MED13: variants seen among roughly 807,000 people sequenced by gnomAD.
MED13 encodes mediator of RNA polymerase II transcription subunit 13.
Under a neutral mutation model 225.2 loss-of-function variants are expected in MED13, and 23 were observed. The observed-to-expected ratio is 0.10, with a 90% CI of 0.07 to 0.14. The LOEUF is 0.14. Ranked by LOEUF, MED13 falls within the 10% of genes least tolerant of loss-of-function variation. The pLI, the probability that MED13 is intolerant of heterozygous loss-of-function variation, is 1.00. For missense variants in MED13, 2,197 were observed against 2,594.5 expected (o/e 0.85, Z 3.33); for synonymous variants, 942 against 889.2 (o/e 1.06, Z -1.06).
intron 5 of MED13, among the ~76,000 whole-genome samples, chr17:62,032,103 A>G (rs1160604300): frequency 6.6e-6 from 1 of 151,888 alleles, no homozygotes; most frequent in Non-Finnish European, 1.5e-5. Context: ...TTCTGTCACA[A>G]CTGCTCTAGT....
intron 3 of MED13, among the ~76,000 whole-genome samples, chr17:62,046,745 G>T (rs2080900866): frequency 6.6e-6 from 1 of 152,188 alleles, no homozygotes; most frequent in South Asian, 2.1e-4. Context: ...GCTGAGGTGT[G>T]AGGACTACTT....
At chr17:62,013,663 C>A (rs2143601540) in intron 8 of MED13, among the ~76,000 whole-genome samples, 1 of 152,202 alleles carries the variant, frequency 6.6e-6, no homozygotes, top group South Asian at 2.1e-4. Flanking sequence ...GAACGTTTTA[C>A]CCAATGCAAT....
Position 62,028,195 on chromosome 17 carries a change from A to C in MED13, c.1283+1346T>G, listed in dbSNP as rs182175865. ...ACTGGATAAAGAAAATGTGGTACAT[A>C]TACACCATGGAATACTGTGCAGCCA... On this transcript the variant is annotated intron_variant, in intron 8 of 29. Coordinates refer to ENST00000397786, the MANE Select transcript of MED13 (RefSeq NM_005121.3). 1.3e-4 allele frequency among the ~76,000 whole-genome samples: 20 copies of C among 152,326 alleles called. No homozygotes were observed. In the East Asian group the frequency reaches 3.1e-3, roughly 23 times the overall value.
intron 2 of MED13, 52 bp from the exon 3 acceptor site, chr17:62,052,757 G>A (rs926275303): frequency 1.5e-6 from 2 of 1,360,090 alleles, no homozygotes; most frequent in African/African-American, 1.5e-5. Flanking sequence ...AATCTATTCA[G>A]AGCCAAGTAA....
chr17:61,999,673 A>G (rs1006120323), intron 9 of MED13, among the ~76,000 whole-genome samples: 5 of 152,172 alleles, frequency 3.3e-5, no homozygotes, highest in Non-Finnish European at 7.3e-5. Context: ...TACACATGAA[A>G]GTCTAAGAAT....
intron 10 of MED13, among the ~76,000 whole-genome samples, chr17:61,994,671 G>C (rs148570508): frequency 6.6e-6 from 1 of 152,224 alleles, no homozygotes; most frequent in Non-Finnish European, 1.5e-5. Context: ...AGCTATAATT[G>C]GTACCATGTG....
intron 8 of MED13, among the ~76,000 whole-genome samples, chr17:62,027,619 G>T (rs1273544533): frequency 1.3e-5 from 2 of 152,142 alleles, no homozygotes; most frequent in Non-Finnish European, 2.9e-5. Flanking sequence ...CACAGCCACA[G>T]AAATTATCAA....
At chr17:61,982,083 T>G in intron 16 of MED13, 115 bp downstream of exon 16, 1 of 982,950 alleles carries the variant, frequency 1.0e-6, no homozygotes, top group Non-Finnish European at 1.5e-6. Flanking sequence ...TAAAGAGTTT[T>G]AAGTCCAACT....
chr17:62,039,773 T>G (rs953247444), intron 3 of MED13, among the ~76,000 whole-genome samples: 1 of 151,974 alleles, frequency 6.6e-6, no homozygotes, highest in Non-Finnish European at 1.5e-5. Context: ...TTTTGTATTC[T>G]TTTAGTAGAG....
At position 61,982,442 on chromosome 17, in the gene MED13, A is replaced by T. The variant is rs183195985; in HGVS notation, c.3561T>A (p.Asp1187Glu). The part of the protein sequence containing the change: ...GLKESEKLSD[D>E]LILLLQDQCT... Reference sequence around the variant, plus strand: ...ACTGATCTTGTAGCAATAATATCAAATCATCAGATAATTTTTCAGATTCCT... The same window carrying T: ...ACTGATCTTGTAGCAATAATATCAATTCATCAGATAATTTTTCAGATTCCT... The change falls in exon 16 of 30, where the codon GAT becomes GAA. Residue 1187 changes from aspartate (D) to glutamate (E), a missense_variant. Around this residue, in one of 12 missense-constraint regions of MED13, gnomAD observed 203 missense variants for 209.7 expected, o/e 0.97. Coordinates refer to ENST00000397786, the MANE Select transcript of MED13 (RefSeq NM_005121.3). 1.1e-5 allele frequency: 18 copies of T among 1,614,230 alleles called. No individual in the cohort carries two copies. In the East Asian group the frequency reaches 3.8e-4, roughly 34 times the overall value.
intron 9 of MED13, among the ~76,000 whole-genome samples, chr17:62,002,323 T>C (rs2080402885): frequency 6.6e-6 from 1 of 152,032 alleles, no homozygotes; most frequent in Admixed American, 6.6e-5. Flanking sequence ...AACCCGTCTC[T>C]ACTGAAAATA....
At chr17:62,048,398 CAAAAAAAAAAAAAAA>C (rs555420453) in intron 3 of MED13, among the ~76,000 whole-genome samples, 1 of 68,082 alleles carries the variant, frequency 1.5e-5, no homozygotes. Flanking sequence ...GAGACTGTTT[CAAAAAAAAAAAAAAA>C]AAAAAAAAAG....
intron 2 of MED13, among the ~76,000 whole-genome samples, chr17:62,054,969 A>G (rs2080985185): frequency 6.6e-6 from 1 of 152,258 alleles, no homozygotes; most frequent in African/African-American, 2.4e-5. Flanking sequence ...AAGGTTGTAC[A>G]GTTGTTATAA....
chr17:61,950,803 A>T, intron 28 of MED13, 22 bp downstream of exon 28: 1 of 1,595,984 alleles, frequency 6.3e-7, no homozygotes, highest in Non-Finnish European at 8.5e-7. Context: ...TTATTTAGGA[A>T]CTGGGACAGA....
In MED13 at chr17:61,978,377, G is replaced by A. The variant is rs1050047366; in HGVS notation, c.3805+3821C>T. ...AGCAATTCTCCTGCCTTAGCCTCCC[G>A]AGTAGCTGGGATTATAGGCATGCGC... is the stretch of plus-strand genomic sequence containing the variant. On this transcript the variant is annotated intron_variant, in intron 16 of 29. Coordinates refer to ENST00000397786, the MANE Select transcript of MED13 (RefSeq NM_005121.3). Among the ~76,000 whole-genome samples the A allele has an allele frequency of 3.3e-5, 5 of 152,030 alleles. No individual in the cohort carries two copies. In the East Asian group the frequency reaches 5.8e-4, roughly 18 times the overall value.
intron 8 of MED13, among the ~76,000 whole-genome samples, chr17:62,015,915 CATATATATATATAT>C (rs1198126410): frequency 0.02 from 172 of 8,596 alleles, 3 homozygotes; most frequent in Admixed American, 0.033. Flanking sequence ...ACACTATACA[CATATATATATATAT>C]ATATATATAT....
At position 62,048,903 on chromosome 17, in the gene MED13, A is replaced by G. The variant is rs9916012; in HGVS notation, c.470+3634T>C. 9.6e-3 allele frequency among the ~76,000 whole-genome samples: 1,462 copies of G among 152,200 alleles called. 20 individuals carry two copies. Among genetic ancestry groups the G allele is most frequent in the African/African-American group, 0.034 (1,407 of 41,498 alleles). ...AGTCTAAGAGGGTTGCTAATCAAAG[A>G]TTCTATACCCAGTCAAAACTATCAA... On this transcript the variant is annotated intron_variant, in intron 3 of 29. Coordinates refer to ENST00000397786, the MANE Select transcript of MED13 (RefSeq NM_005121.3).
intron 11 of MED13, among the ~76,000 whole-genome samples, chr17:61,991,725 G>T (rs1165856970): frequency 1.3e-5 from 2 of 152,080 alleles, no homozygotes; most frequent in Non-Finnish European, 2.9e-5. Flanking sequence ...GGCCAGGATG[G>T]TCTCAATCTC....
chr17:62,026,901 A>G (rs544009237), intron 8 of MED13, among the ~76,000 whole-genome samples: 15 of 152,322 alleles, frequency 9.8e-5, no homozygotes, highest in Admixed American at 7.2e-4. Flanking sequence ...GATCTCTACA[A>G]TAAGAATTAC....
Sources: allele counts gnomAD v4.1 joint callset (sites outside exome capture counted in the v4.1 genomes callset), GRCh38; gene constraint gnomAD v4.1.1; regional missense constraint gnomAD v4.1.1; transcripts MANE v1.5; gene names NCBI Gene and HGNC (gene_info 2026-07-23, HGNC 2026-07-21).